Variants in EPHA6 observed in about 807,000 individuals in gnomAD.
The protein encoded by EPHA6 is EPH receptor A6.
Under a neutral mutation model 112.0 loss-of-function variants are expected in EPHA6, and 50 were observed. The ratio of observed to expected loss-of-function variants is 0.45; its 90% CI spans 0.36 to 0.56. The LOEUF is 0.56. Among genes scored for constraint, EPHA6 ranks in the 20% least tolerant of loss-of-function variants. The pLI is 0.00. For synonymous variants in EPHA6, 529 were observed against 490.7 expected, an observed-to-expected ratio of 1.08 and a Z score of -1.03; for missense variants, 1,280 against 1,417.4, an observed-to-expected ratio of 0.90 and a Z score of 1.56.
chr3:97,215,257 C>A (rs550169286), intron 3 of EPHA6, among the ~76,000 whole-genome samples: 2 of 152,254 alleles, frequency 1.3e-5, no homozygotes, highest in South Asian at 4.1e-4. Context: ...TCTAACCACT[C>A]AATTTTGAAA....
At chr3:97,534,989 A>G (rs1203001568) in intron 11 of EPHA6, among the ~76,000 whole-genome samples, 1 of 152,074 alleles carries the variant, frequency 6.6e-6, no homozygotes, top group Non-Finnish European at 1.5e-5. Flanking sequence ...TTACTTTAAT[A>G]AATCAAATTA....
chr3:97,473,873 A>C (rs958191176), intron 7 of EPHA6, among the ~76,000 whole-genome samples: 2 of 151,840 alleles, frequency 1.3e-5, no homozygotes, highest in African/African-American at 4.8e-5. Context: ...TATGAGTGAA[A>C]ACTTAACATT....
At chr3:96,878,472 A>G (rs1559794357) in intron 2 of EPHA6, among the ~76,000 whole-genome samples, 1 of 152,070 alleles carries the variant, frequency 6.6e-6, no homozygotes, top group Non-Finnish European at 1.5e-5. Flanking sequence ...ATTAGAGAGT[A>G]GTAAGCAAAT....
intron 11 of EPHA6, chr3:97,560,541 G>A (rs2093175133): frequency 6.6e-6 from 1 of 152,032 alleles, no homozygotes; most frequent in South Asian, 2.1e-4. Flanking sequence ...CACAAACATA[G>A]AATATTTTCA....
In EPHA6 at chr3:96,818,756, A is replaced by G. The variant is rs907643355; in HGVS notation, c.385+3748A>G. Among the ~76,000 whole-genome samples, 7 of 152,032 alleles carry G rather than the reference A, an allele frequency of 4.6e-5. 1 individual carries two copies. The highest frequency in any genetic ancestry group is 1.7e-4 in the African/African-American group (7 of 41,536). On this transcript the variant is annotated intron_variant, in intron 1 of 17. Coordinates refer to ENST00000389672, the MANE Select transcript of EPHA6 (RefSeq NM_001080448.3). The stretch of plus-strand genomic sequence containing the variant: ...AACATTAAAATGCTGAAAATATTAA[A>G]AATTTTGTTAAATTAGGAACACTGG...
intron 3 of EPHA6, among the ~76,000 whole-genome samples, chr3:97,157,712 T>C (rs1476357191): frequency 6.6e-6 from 1 of 152,006 alleles, no homozygotes; most frequent in Non-Finnish European, 1.5e-5. Flanking sequence ...AGCCCAAAGA[T>C]GAGAAAAGAC....
intron 11 of EPHA6, among the ~76,000 whole-genome samples, chr3:97,540,766 T>C (rs1365706154): frequency 1.3e-5 from 2 of 152,212 alleles, no homozygotes; most frequent in Admixed American, 6.5e-5. Context: ...GCATACATAA[T>C]GTTTTCTTTT....
At chr3:97,078,282 T>C (rs561204506) in intron 3 of EPHA6, among the ~76,000 whole-genome samples, 1 of 152,324 alleles carries the variant, frequency 6.6e-6, no homozygotes, top group South Asian at 2.1e-4. Context: ...TCTTTGCAGA[T>C]TCTGGATATT....
chr3:96,914,961 A>G (rs903021862), intron 2 of EPHA6, among the ~76,000 whole-genome samples: 3 of 151,272 alleles, frequency 2.0e-5, no homozygotes, highest in Non-Finnish European at 4.4e-5. Flanking sequence ...ACTTTTATGC[A>G]GGTAAGTTAA....
At chr3:97,017,395 C>G (rs1244643211) in intron 3 of EPHA6, among the ~76,000 whole-genome samples, 1 of 152,148 alleles carries the variant, frequency 6.6e-6, no homozygotes, top group African/African-American at 2.4e-5. Context: ...TGATGCCAAC[C>G]CTCAGAAGGA....
intron 3 of EPHA6, among the ~76,000 whole-genome samples, chr3:97,103,722 G>A (rs1335745316): frequency 6.6e-6 from 1 of 152,066 alleles, no homozygotes; most frequent in East Asian, 1.9e-4. Flanking sequence ...CACTGAATCT[G>A]TAAATTGCTT....
At chr3:97,603,384 T>C (rs1017433350) in intron 12 of EPHA6, among the ~76,000 whole-genome samples, 4 of 151,972 alleles carry the variant, frequency 2.6e-5, no homozygotes, top group Non-Finnish European at 5.9e-5. Context: ...GATTAAGAAA[T>C]GTTACTATTT....
At chr3:96,874,387 G>T (rs1339749392) in intron 2 of EPHA6, among the ~76,000 whole-genome samples, 2 of 151,978 alleles carry the variant, frequency 1.3e-5, no homozygotes, top group Non-Finnish European at 2.9e-5. Flanking sequence ...CCTTTAGTGT[G>T]TCTCTTTTAG....
chr3:97,556,542 G>A (rs1020658149), intron 11 of EPHA6, among the ~76,000 whole-genome samples: 1 of 151,982 alleles, frequency 6.6e-6, no homozygotes, highest in Admixed American at 6.6e-5. Context: ...GATCTTTTAA[G>A]AACTCACTCA....
rs568093322 is a variant in EPHA6, at chr3:97,276,045, G to T, written c.1606+31758G>T. Among the ~76,000 whole-genome samples the T allele has an allele frequency of 1.5e-4, 23 of 152,224 alleles. No individual in the cohort carries two copies. The South Asian group carries it at 4.6e-3, about 30-fold the overall frequency. Reference sequence around the variant, plus strand: ...CAGCAGAGTTGGGGAGTTTTAAGAGGTTTAAAGCCTGGCCGTCAATACCCA... The same window carrying T: ...CAGCAGAGTTGGGGAGTTTTAAGAGTTTTAAAGCCTGGCCGTCAATACCCA... On this transcript the variant is annotated intron_variant, in intron 5 of 17. Coordinates refer to ENST00000389672, the MANE Select transcript of EPHA6 (RefSeq NM_001080448.3).
At chr3:97,661,196 G>C (rs558964934) in intron 14 of EPHA6, among the ~76,000 whole-genome samples, 2 of 152,108 alleles carry the variant, frequency 1.3e-5, no homozygotes, top group Admixed American at 1.3e-4. Context: ...TCATATAAAT[G>C]GAAAATATTG....
intron 16 of EPHA6, among the ~76,000 whole-genome samples, chr3:97,743,388 T>C (rs1186896486): frequency 1.3e-5 from 2 of 152,138 alleles, no homozygotes; most frequent in East Asian, 3.9e-4. Flanking sequence ...TCACTTATTC[T>C]TTTAAAAAAA....
At chr3:96,900,223 C>T (rs1197038736) in intron 2 of EPHA6, among the ~76,000 whole-genome samples, 1 of 152,100 alleles carries the variant, frequency 6.6e-6, no homozygotes, top group Non-Finnish European at 1.5e-5. Flanking sequence ...AATGATCAGA[C>T]ATGACTTCTC....
intron 7 of EPHA6, among the ~76,000 whole-genome samples, chr3:97,474,556 A>G (rs2091316534): frequency 6.6e-6 from 1 of 151,906 alleles, no homozygotes; most frequent in Admixed American, 6.6e-5. Context: ...ATTATTGAGG[A>G]ATTGCCTATT....
Sources: gnomAD v4.1 joint callset for allele counts (sites outside exome capture counted in the v4.1 genomes callset) on GRCh38, gnomAD v4.1.1 for gene constraint, MANE v1.5 for transcripts, NCBI Gene and HGNC (gene_info 2026-07-23, HGNC 2026-07-21) for gene names.